ZNF593: variants seen among roughly 807,000 people sequenced by gnomAD.
The protein encoded by ZNF593 is BUD20 homolog.
A neutral mutation model predicts 12.9 loss-of-function variants in ZNF593; 18 were observed. The observed-to-expected ratio is 1.40, with a 90% CI of 0.96 to 2.07. The LOEUF (loss-of-function observed/expected upper bound fraction) is 2.07, where lower values mean the gene tolerates loss of function less well. ZNF593 is among the 30% of genes most tolerant of loss of function. The pLI, the probability that ZNF593 is intolerant of heterozygous loss-of-function variation, is 0.00. For missense variants in ZNF593, 198 were observed against 186.7 expected (o/e 1.06, Z -0.35); for synonymous variants, 79 against 79.9 (o/e 0.99, Z 0.06).
In ZNF593 at chr1:26,169,996, C is replaced by A; in HGVS notation, c.13C>A (p.Arg5Ser). Residue 5 changes from arginine (R) to serine (S), a missense_variant, in exon 1 of 3, where the codon CGC becomes AGC. Transcript: ENST00000374266. Reference sequence around the variant, plus strand: ...GCTGTTTCTGGCCATGGGTCGCTCCCGCCGGACAGGCGCGCACCGAGCGCA... The same window carrying A: ...GCTGTTTCTGGCCATGGGTCGCTCCAGCCGGACAGGCGCGCACCGAGCGCA... MGRS[R>S]RTGAHRAHSL... 6.5e-7 allele frequency: 1 copy of A among 1,549,006 alleles called. No homozygotes were observed. The highest frequency in any genetic ancestry group is 8.7e-7 in the Non-Finnish European group (1 of 1,150,638).
chr1:26,169,956 C>T lies in ZNF593; in HGVS notation c.-28C>T, dbSNP rs1163297650. On this transcript the variant is annotated 5_prime_UTR_variant, in exon 1 of 3. Transcript: ENST00000374266. The stretch of plus-strand genomic sequence containing the variant: ...GTGTGCTCCCTGCCCTGCTCCTGGC[C>T]CCTTGGCCGGCCGGGCTGTTTCTGG... 2 of 1,522,740 alleles carry T rather than the reference C, an allele frequency of 1.3e-6. No homozygotes were observed. The highest frequency in any genetic ancestry group is 1.4e-5 in the African/African-American group (1 of 72,844). The allele number at this position is 1,522,740 out of a possible 1,614,324, so 94.3% of individuals were successfully genotyped here. A position where few individuals can be genotyped will look rare whatever the true frequency, so the allele number is the denominator to read the frequency against.
In ZNF593 at chr1:26,170,641, C is replaced by G; in HGVS notation, c.330C>G (p.Ser110=). 4 of 1,613,000 alleles carry G rather than the reference C, an allele frequency of 2.5e-6. No homozygotes were observed. Among genetic ancestry groups the G allele is most frequent in the Non-Finnish European group, 3.4e-6 (4 of 1,180,014 alleles). ...CGGAGAGGGCAGCGGGTATGGGATC[C>G]TATGTGCCCCCCAGGCGGCTGGCAG... ...EEAERAAGMG[S]YVPPRRLAVP... The change falls in exon 3 of 3, where the codon TCC becomes TCG. Residue 110 remains serine, a synonymous_variant. Transcript: ENST00000374266.
At chr1:26,170,334 T>C (rs2232653) in intron 1 of ZNF593, 84 bp from the exon 2 acceptor site, 35 of 1,541,030 alleles carry the variant, frequency 2.3e-5, no homozygotes, top group East Asian at 1.4e-4. Flanking sequence ...GATCCTGGCG[T>C]CAGGGACAAG....
chr1:26,170,485 G>A lies in ZNF593; in HGVS notation c.263+5G>A, dbSNP rs2124497774. ...ATCCAAAGACCACAAGAAAAGGTAT[G>A]AAGGAGTAAGGAGAGGATTGATGGA... On this transcript the variant is annotated splice_donor_5th_base_variant and intron_variant, in intron 2 of 2. Coordinates refer to ENST00000374266, the MANE Select transcript of ZNF593 (RefSeq NM_015871.5). The A allele has an allele frequency of 1.9e-6, 3 of 1,614,204 alleles. No individual in the cohort carries two copies. The highest frequency in any genetic ancestry group is 2.2e-5 in the South Asian group (2 of 91,086).
At position 26,169,944 on chromosome 1, in the gene ZNF593, C is replaced by G. The variant is rs562127693; in HGVS notation, c.-40C>G. On this transcript the variant is annotated 5_prime_UTR_variant, in exon 1 of 3. Transcript: ENST00000374266. ...AAGTGCTCACACGTGTGCTCCCTGC[C>G]CTGCTCCTGGCCCCTTGGCCGGCCG... is the stretch of plus-strand genomic sequence containing the variant. The G allele has an allele frequency of 2.6e-6, 4 of 1,511,020 alleles. No individual in the cohort carries two copies. In the African/African-American group the frequency reaches 5.5e-5, roughly 21 times the overall value. 93.6% of individuals were successfully genotyped at this position (1,511,020 alleles called of 1,614,324 possible). A position where few individuals can be genotyped will look rare whatever the true frequency, so the allele number is the denominator to read the frequency against.
intron 1 of ZNF593, 23 bp downstream of exon 1, chr1:26,170,206 C>A (rs975776669): frequency 6.3e-7 from 1 of 1,578,168 alleles, no homozygotes; most frequent in Admixed American, 1.8e-5. Flanking sequence ...CGAGCCCGGC[C>A]TGGGGCGGAG....
intron 1 of ZNF593, 56 bp from the exon 2 acceptor site, chr1:26,170,362 G>C: frequency 3.2e-6 from 5 of 1,576,906 alleles, no homozygotes; most frequent in Non-Finnish European, 4.3e-6. Context: ...TAGGGAGATA[G>C]GTGCACTTGG....
rs2088470658 is a variant in ZNF593, at chr1:26,170,107, C to A, written c.124C>A (p.Arg42=). 2 of 1,569,972 alleles carry A rather than the reference C, an allele frequency of 1.3e-6. No individual in the cohort carries two copies. ...CGAGCTGCGGCCTCAGGGATCCGCA[C>A]GACCCCAGCCCGACCCAAACGCCGA... is the stretch of plus-strand genomic sequence containing the variant. The part of the protein sequence containing the change: ...HRELRPQGSA[R]PQPDPNAEFD... Residue 42 remains arginine, a synonymous_variant, in exon 1 of 3, where the codon CGA becomes AGA. Transcript: ENST00000374266.
In ZNF593 at chr1:26,170,183, C is replaced by T; in HGVS notation, c.200C>T (p.Ala67Val). The T allele has an allele frequency of 1.9e-6, 3 of 1,572,738 alleles. No individual in the cohort carries two copies. Among genetic ancestry groups the T allele is most frequent in the South Asian group, 1.1e-5 (1 of 87,648 alleles). The change falls in exon 1 of 3, where the codon GCG (alanine) becomes GTG (valine). Residue 67 changes from alanine (A) to valine (V), a missense_variant and splice_region_variant. Physicochemically the swap from Ala to Val is moderately conservative, Grantham distance 64. Transcript: ENST00000374266. Reference sequence around the variant, plus strand: ...GGTCTGCACCGCTGTCTGGCCTGCGCGTGAGTCCCGGACGAGCCCGGCCTG... The same window carrying T: ...GGTCTGCACCGCTGTCTGGCCTGCGTGTGAGTCCCGGACGAGCCCGGCCTG... ...GGGLHRCLAC[A>V]RYFIDSTNLK... is the part of the protein sequence containing the mutation.
intron 1 of ZNF593, 86 bp downstream of exon 1, chr1:26,170,269 A>G (rs2088474256): frequency 1.3e-6 from 2 of 1,551,474 alleles, no homozygotes; most frequent in South Asian, 2.4e-5. Context: ...CAGGCAGCGC[A>G]GAGTCTTCTC....
At position 26,170,820 on chromosome 1, in the gene ZNF593, C is replaced by A; in HGVS notation, c.*104C>A. The stretch of plus-strand genomic sequence containing the variant: ...CCCTTTTGCCTCTGGGTTTGGGGAG[C>A]GGAGGGCCTCTTCTTGGTGCCCTGC... On this transcript the variant is annotated 3_prime_UTR_variant, in exon 3 of 3. Coordinates refer to ENST00000374266, the MANE Select transcript of ZNF593 (RefSeq NM_015871.5). 1 of 1,424,014 alleles carries A rather than the reference C, an allele frequency of 7.0e-7. No individual in the cohort carries two copies. The highest frequency in any genetic ancestry group is 9.4e-7 in the Non-Finnish European group (1 of 1,067,274). 88.2% of individuals were successfully genotyped at this position (1,424,014 alleles called of 1,614,324 possible). A position where few individuals can be genotyped will look rare whatever the true frequency, so the allele number is the denominator to read the frequency against.
In ZNF593 at chr1:26,170,705, A is replaced by G. The variant is rs755019662; in HGVS notation, c.394A>G (p.Thr132Ala). The G allele has an allele frequency of 1.2e-6, 2 of 1,606,098 alleles. No individual in the cohort carries two copies. Among genetic ancestry groups the G allele is most frequent in the Non-Finnish European group, 8.5e-7 (1 of 1,179,698 alleles). ...GTCCACTGAGGTCCCTGAGATGGAT[A>G]CCTCTACCTGACATGGCCTGAAGAT... ...EVSTEVPEMD[T>A]ST Residue 132 changes from threonine to alanine, a missense_variant, in exon 3 of 3, where the codon ACC becomes GCC. By Grantham distance (58) the Thr-to-Ala change is moderately conservative. Transcript: ENST00000374266.
Position 26,169,999 on chromosome 1 carries a change from C to G in ZNF593, c.16C>G (p.Arg6Gly). 2 of 1,550,676 alleles carry G rather than the reference C, an allele frequency of 1.3e-6. No homozygotes were observed. The highest frequency in any genetic ancestry group is 1.7e-6 in the Non-Finnish European group (2 of 1,151,468). The change falls in exon 1 of 3, where the codon CGG (arginine) becomes GGG (glycine). Residue 6 changes from arginine to glycine, a missense_variant. Arg to Gly is a moderately radical substitution (Grantham distance 125). Coordinates refer to ENST00000374266, the MANE Select transcript of ZNF593 (RefSeq NM_015871.5). MGRSR[R>G]TGAHRAHSLA... ...GTTTCTGGCCATGGGTCGCTCCCGC[C>G]GGACAGGCGCGCACCGAGCGCACTC... is the stretch of plus-strand genomic sequence containing the variant.
In ZNF593 at chr1:26,170,123, C is replaced by T; in HGVS notation, c.140C>T (p.Pro47Leu). ...PQGSARPQPD[P>L]NAEFDPDLPG... ...GGATCCGCACGACCCCAGCCCGACC[C>T]AAACGCCGAGTTCGACCCCGACCTG... Residue 47 changes from proline (P) to leucine (L), a missense_variant, in exon 1 of 3, where the codon CCA becomes CTA. Coordinates refer to ENST00000374266, the MANE Select transcript of ZNF593 (RefSeq NM_015871.5). The T allele has an allele frequency of 6.4e-7, 1 of 1,571,850 alleles. No homozygotes were observed.
In ZNF593 at chr1:26,170,213, G is replaced by A. The variant is rs567699749; in HGVS notation, c.200+30G>A. 42 of 1,578,950 alleles carry A rather than the reference G, an allele frequency of 2.7e-5. No homozygotes were observed. The South Asian group carries it at 3.9e-4, about 15-fold the overall frequency. On this transcript the variant is annotated intron_variant, in intron 1 of 2. Coordinates refer to ENST00000374266, the MANE Select transcript of ZNF593 (RefSeq NM_015871.5). ...GTCCCGGACGAGCCCGGCCTGGGGC[G>A]GAGGAGGGTCCGCGGTACCGGCCGG...
Position 26,170,644 on chromosome 1 carries a change from T to A in ZNF593, c.333T>A (p.Tyr111Ter). 1 of 1,612,958 alleles carries A rather than the reference T, an allele frequency of 6.2e-7. No individual in the cohort carries two copies. The highest frequency in any genetic ancestry group is 1.1e-5 in the South Asian group (1 of 91,080). Residue 111 changes from tyrosine (Y) to a stop codon, truncating the protein, a stop_gained, in exon 3 of 3, where the codon TAT becomes TAA. Transcript: ENST00000374266. LOFTEE classifies it high-confidence loss of function. ...AGAGGGCAGCGGGTATGGGATCCTA[T>A]GTGCCCCCCAGGCGGCTGGCAGTGC... ...EAERAAGMGS[Y>*]VPPRRLAVPT... is the part of the protein sequence containing the mutation.
rs1248561680 is a variant in ZNF593, at chr1:26,169,951, C to T, written c.-33C>T. Reference sequence around the variant, plus strand: ...CACACGTGTGCTCCCTGCCCTGCTCCTGGCCCCTTGGCCGGCCGGGCTGTT... The same window carrying T: ...CACACGTGTGCTCCCTGCCCTGCTCTTGGCCCCTTGGCCGGCCGGGCTGTT... On this transcript the variant is annotated 5_prime_UTR_variant, in exon 1 of 3. Coordinates refer to ENST00000374266, the MANE Select transcript of ZNF593 (RefSeq NM_015871.5). 2 of 1,518,942 alleles carry T rather than the reference C, an allele frequency of 1.3e-6. No homozygotes were observed. Among genetic ancestry groups the T allele is most frequent in the Non-Finnish European group, 1.8e-6 (2 of 1,137,300 alleles). The allele number at this position is 1,518,942 out of a possible 1,614,324, so 94.1% of individuals were successfully genotyped here. A position where few individuals can be genotyped will look rare whatever the true frequency, so the allele number is the denominator to read the frequency against.
In ZNF593 at chr1:26,170,169, C is replaced by T. The variant is rs1302774971; in HGVS notation, c.186C>T (p.Arg62=). The T allele has an allele frequency of 2.5e-6, 4 of 1,570,946 alleles. No homozygotes were observed. The highest frequency in any genetic ancestry group is 3.4e-6 in the Non-Finnish European group (4 of 1,161,672). The change falls in exon 1 of 3, where the codon CGC becomes CGT. Residue 62 remains arginine, a synonymous_variant. Transcript: ENST00000374266. ...DPDLPGGGLH[R]CLACARYFID... ...ACCTGCCAGGGGGCGGTCTGCACCG[C>T]TGTCTGGCCTGCGCGTGAGTCCCGG...
Position 26,170,589 on chromosome 1 carries a change from G to A in ZNF593, c.278G>A (p.Ser93Asn). 7 of 1,613,854 alleles carry A rather than the reference G, an allele frequency of 4.3e-6. No individual in the cohort carries two copies. The highest frequency in any genetic ancestry group is 5.9e-6 in the Non-Finnish European group (7 of 1,180,032). Residue 93 changes from serine to asparagine, a missense_variant, in exon 3 of 3, where the codon AGC (serine) becomes AAC (asparagine). Coordinates refer to ENST00000374266, the MANE Select transcript of ZNF593 (RefSeq NM_015871.5). Reference sequence around the variant, plus strand: ...CTTTCTCCCAGGCTGAAGCAGCTGAGCGTCGAGCCCTACAGTCAGGAAGAG... The same window carrying A: ...CTTTCTCCCAGGCTGAAGCAGCTGAACGTCGAGCCCTACAGTCAGGAAGAG... ...KDHKKRLKQL[S>N]VEPYSQEEAE...
Sources: allele counts gnomAD v4.1 joint callset, GRCh38; gene constraint gnomAD v4.1.1; transcripts MANE v1.5; gene names NCBI Gene and HGNC (gene_info 2026-07-23, HGNC 2026-07-21).